The following ACSM6 variants were observed in gnomAD, a reference collection of about 807,000 sequenced individuals.
The protein encoded by ACSM6 is acyl-coenzyme A synthetase ACSM6, mitochondrial.
Under a neutral mutation model 51.1 loss-of-function variants are expected in ACSM6, and 35 were observed. The ratio of observed to expected loss-of-function variants is 0.69; its 90% CI spans 0.52 to 0.91. The LOEUF (loss-of-function observed/expected upper bound fraction) is 0.91. Ranked by LOEUF, ACSM6 falls within the 40% of genes least tolerant of loss-of-function variation. The pLI, the probability that ACSM6 is intolerant of heterozygous loss-of-function variation, is 0.00. For missense variants in ACSM6, 509 were observed against 584.1 expected (o/e 0.87, Z 1.32); for synonymous variants, 172 against 207.3 (o/e 0.83, Z 1.46).
At chr10:95,210,604 A>T (rs16872) in intron 4 of ACSM6, 46 bp from the exon 5 acceptor site, 93 of 1,577,040 alleles carry the variant, frequency 5.9e-5, no homozygotes, top group African/African-American at 2.7e-4. Flanking sequence ...ACTTAATCAG[A>T]GAACCTAAAT....
chr10:95,194,828 G>A (rs913889676), intron 2 of ACSM6, among the ~76,000 whole-genome samples, 151 bp downstream of exon 2: 4 of 152,320 alleles, frequency 2.6e-5, no homozygotes, highest in African/African-American at 4.8e-5. Flanking sequence ...TAAGAACATA[G>A]GCTTGACAGC....
At position 95,202,791 on chromosome 10, in the gene ACSM6, T is replaced by G. The variant is rs563768471; in HGVS notation, c.403+596T>G. Among the ~76,000 whole-genome samples the G allele has an allele frequency of 6.0e-5, 9 of 151,038 alleles. No individual in the cohort carries two copies. The East Asian group carries it at 1.8e-3, about 29-fold the overall frequency. Reference sequence around the variant, plus strand: ...AAAAACACAAAGCAGAAAAAAAAAATTAGCTGCATGTGGTGGCACACACCT... The same window carrying G: ...AAAAACACAAAGCAGAAAAAAAAAAGTAGCTGCATGTGGTGGCACACACCT... On this transcript the variant is annotated intron_variant, in intron 3 of 10. Coordinates refer to ENST00000341686, the Ensembl canonical transcript of ACSM6.
At position 95,201,359 on chromosome 10, in the gene ACSM6, C is replaced by T; in HGVS notation, c.193-626C>T. On this transcript the variant is annotated intron_variant, in intron 2 of 10. Coordinates refer to ENST00000341686, the Ensembl canonical transcript of ACSM6. ...TGTCTATTATTTCCATCTTTATGTC[C>T]ATATGTACCCACTGTTTAACTCCCA... 7.3e-6 allele frequency: 3 copies of T among 412,542 alleles called. No individual in the cohort carries two copies. The Admixed American group carries it at 7.5e-5, about 10-fold the overall frequency. The allele number at this position is 412,542 out of a possible 1,614,324, so 25.6% of individuals were successfully genotyped here.
exon 4 of ACSM6, chr10:95,207,384 G>C (rs145829746): frequency 5.0e-6 from 8 of 1,614,086 alleles, no homozygotes; most frequent in African/African-American, 4.0e-5. Context: ...TAAGAGCTAT[G>C]ATGGGTGGTT....
chr10:95,224,292 A>G (rs953095693), intron 9 of ACSM6, among the ~76,000 whole-genome samples: 19 of 152,152 alleles, frequency 1.2e-4, no homozygotes, highest in Non-Finnish European at 2.4e-4. Context: ...CAAGGTGACA[A>G]TTTGGAAGGT....
In ACSM6 at chr10:95,204,492, T is replaced by C. The variant is rs1429599462; in HGVS notation, c.403+2297T>C. Among the ~76,000 whole-genome samples, 3 of 152,124 alleles carry C rather than the reference T, an allele frequency of 2.0e-5. No homozygotes were observed. The East Asian group carries it at 5.8e-4, about 29-fold the overall frequency. On this transcript the variant is annotated intron_variant, in intron 3 of 10. Transcript: ENST00000341686. ...TCGCTTGAACCCGAGAGGTGGAGTT[T>C]ATAGTCAGCCAAGATCACGCCACTG... is the stretch of plus-strand genomic sequence containing the variant.
chr10:95,199,716 G>A (rs2034773610), intron 2 of ACSM6, among the ~76,000 whole-genome samples: 1 of 152,140 alleles, frequency 6.6e-6, no homozygotes, highest in African/African-American at 2.4e-5. Context: ...CTTCTCAAAA[G>A]AAGACATTTA....
exon 1 of ACSM6, chr10:95,194,298 G>C (rs1196904868): frequency 5.6e-6 from 3 of 538,992 alleles, no homozygotes; most frequent in Non-Finnish European, 9.6e-6. Context: ...ACTCCTCTTG[G>C]AATTGGTAAG....
chr10:95,212,018 C>G, exon 6 of ACSM6: 1 of 1,614,032 alleles, frequency 6.2e-7, no homozygotes, highest in Non-Finnish European at 8.5e-7. Context: ...ACCTTCTGCC[C>G]TGAGACTGTT....
intron 2 of ACSM6, chr10:95,201,720 G>A: frequency 1.8e-6 from 1 of 548,306 alleles, no homozygotes; most frequent in South Asian, 1.8e-5. Flanking sequence ...TCCTGGGCAG[G>A]GCTGGTTTCA....
chr10:95,204,334 C>G (rs2034821279), intron 3 of ACSM6, among the ~76,000 whole-genome samples: 1 of 152,212 alleles, frequency 6.6e-6, no homozygotes, highest in Admixed American at 6.5e-5. Context: ...GGAGGATCAC[C>G]TGAGGTGAGG....
intron 7 of ACSM6, among the ~76,000 whole-genome samples, chr10:95,213,280 G>GA (rs968146689): frequency 9.3e-5 from 14 of 151,062 alleles, no homozygotes; most frequent in Admixed American, 4.6e-4. Flanking sequence ...CCATTTTGAA[G>GA]AAAAAAAAAT....
At chr10:95,227,013 G>T (rs1410374435) in intron 10 of ACSM6, among the ~76,000 whole-genome samples, 1 of 148,468 alleles carries the variant, frequency 6.7e-6, no homozygotes, top group African/African-American at 2.5e-5. Flanking sequence ...TTGAAACAGG[G>T]TCTCACTCAG....
intron 4 of ACSM6, among the ~76,000 whole-genome samples, chr10:95,207,969 C>T (rs574066409): frequency 3.3e-5 from 5 of 151,916 alleles, no homozygotes; most frequent in African/African-American, 9.7e-5. Flanking sequence ...GGTGAAACCC[C>T]GTCTCTACTA....
intron 10 of ACSM6, chr10:95,225,995 T>C (rs1346964106): frequency 2.0e-5 from 3 of 152,250 alleles, no homozygotes; most frequent in Non-Finnish European, 2.9e-5. Context: ...AGATCCAGGA[T>C]AAACATCTTT....
chr10:95,194,318 T>C lies in ACSM6; in HGVS notation c.-22+15T>C, dbSNP rs531871604. On this transcript the variant is annotated intron_variant, in intron 1 of 10. Coordinates refer to ENST00000341686, the Ensembl canonical transcript of ACSM6. ...TCTTGGAATTGGTAAGTATCTGTGC[T>C]CATGGGCTTCTTCTCCAATGATCTG... The C allele has an allele frequency of 1.4e-5, 9 of 630,204 alleles. No individual in the cohort carries two copies. The African/African-American group carries it at 1.5e-4, about 10-fold the overall frequency. 39.0% of individuals were successfully genotyped at this position (630,204 alleles called of 1,614,324 possible). A position where few individuals can be genotyped will look rare whatever the true frequency, so the allele number is the denominator to read the frequency against.
intron 4 of ACSM6, 149 bp downstream of exon 4, chr10:95,207,564 G>GT (rs2034853316): frequency 2.3e-6 from 2 of 860,524 alleles, no homozygotes; most frequent in Non-Finnish European, 1.8e-6. Context: ...AGAAGGTGGT[G>GT]TGAGTGGTCA....
chr10:95,203,047 G>A (rs1016986195), intron 3 of ACSM6, among the ~76,000 whole-genome samples: 5 of 152,088 alleles, frequency 3.3e-5, no homozygotes, highest in Non-Finnish European at 5.9e-5. Flanking sequence ...GATGCGCAGA[G>A]GGCAAGTGAG....
intron 10 of ACSM6, chr10:95,225,595 C>T: frequency 2.3e-6 from 1 of 438,994 alleles, no homozygotes. Context: ...TTCATATTTG[C>T]ACATTTTTGA....
Sources: allele counts gnomAD v4.1 joint callset (sites outside exome capture counted in the v4.1 genomes callset), GRCh38; gene constraint gnomAD v4.1.1; transcripts MANE v1.5; gene names NCBI Gene and HGNC (gene_info 2026-07-23, HGNC 2026-07-21).